AMN1: variants seen among roughly 807,000 people sequenced by gnomAD.
AMN1 encodes the protein antagonist of mitotic exit network 1 homolog.
AMN1 carries 20 observed loss-of-function variants against 33.0 expected under a neutral mutation model. That is an observed-to-expected ratio of 0.61 (90% CI 0.43 to 0.88). The LOEUF (loss-of-function observed/expected upper bound fraction) is 0.88. AMN1 is among the 40% of genes least tolerant of loss of function. The pLI is 0.00. For missense variants in AMN1, 246 were observed against 307.4 expected (o/e 0.80, Z 1.49); for synonymous variants, 114 against 111.9 (o/e 1.02, Z -0.12).
chr12:31,709,988 C>T lies in AMN1; in HGVS notation c.39-563G>A, dbSNP rs139381945. Among the ~76,000 whole-genome samples, 18 of 152,254 alleles carry T rather than the reference C, an allele frequency of 1.2e-4. No homozygotes were observed. In the East Asian group the frequency reaches 3.1e-3, roughly 26 times the overall value. On this transcript the variant is annotated intron_variant, in intron 1 of 6. Coordinates refer to ENST00000281471, the MANE Select transcript of AMN1 (RefSeq NM_001113402.2). The stretch of plus-strand genomic sequence containing the variant: ...ATCAAAATGCATTTTAAATGACCAA[C>T]AAGAATGTTTTTCCTAAGTGTCTAA...
At position 31,729,018 on chromosome 12, in the gene AMN1, G is replaced by T. The variant is rs769372231; in HGVS notation, c.-10C>A. On this transcript the variant is annotated 5_prime_UTR_variant, in exon 1 of 7. Transcript: ENST00000281471. ...GCCGTGGGCGAGGCATCGCTGCAGC[G>T]TCTGAAGCCTCTTCCGCGGTCCCAG... 7.1e-6 allele frequency: 11 copies of T among 1,541,450 alleles called. No individual in the cohort carries two copies. Among genetic ancestry groups the T allele is most frequent in the African/African-American group, 1.4e-5 (1 of 72,948 alleles).
At chr12:31,675,064 T>A in intron 6 of AMN1, among the ~76,000 whole-genome samples, 1 of 149,046 alleles carries the variant, frequency 6.7e-6, no homozygotes, top group African/African-American at 2.5e-5. Flanking sequence ...AAACCAATGC[T>A]CATTCAACCA....
chr12:31,699,749 G>A (rs901266232), intron 3 of AMN1, among the ~76,000 whole-genome samples: 4 of 152,202 alleles, frequency 2.6e-5, no homozygotes, highest in African/African-American at 9.7e-5. Context: ...TCAGTCATAT[G>A]TACCAGAGGC....
chr12:31,728,533 C>A (rs1226473923), intron 1 of AMN1, among the ~76,000 whole-genome samples: 2 of 152,148 alleles, frequency 1.3e-5, no homozygotes, highest in African/African-American at 2.4e-5. Context: ...GCCAGGGATC[C>A]GTGGTCTTAA....
chr12:31,693,990 A>G (rs1938612565), intron 5 of AMN1, among the ~76,000 whole-genome samples: 1 of 152,218 alleles, frequency 6.6e-6, no homozygotes, highest in Non-Finnish European at 1.5e-5. Context: ...TCTTTAGGAA[A>G]GGTCCTTAGA....
intron 5 of AMN1, among the ~76,000 whole-genome samples, chr12:31,693,128 G>A (rs182719508): frequency 6.6e-5 from 10 of 152,258 alleles, no homozygotes; most frequent in African/African-American, 2.4e-4. Flanking sequence ...GAGTGCAGTA[G>A]TGCAAACACA....
At chr12:31,722,007 AC>A (rs2139730958) in intron 1 of AMN1, among the ~76,000 whole-genome samples, 1 of 152,264 alleles carries the variant, frequency 6.6e-6, no homozygotes, top group South Asian at 2.1e-4. Flanking sequence ...ATCTGACGCT[AC>A]CATTGCATGC....
intron 6 of AMN1, among the ~76,000 whole-genome samples, chr12:31,688,803 T>C (rs1938378423): frequency 6.6e-6 from 1 of 151,736 alleles, no homozygotes; most frequent in Non-Finnish European, 1.5e-5. Flanking sequence ...AGAGCAAGAC[T>C]CCGTCTCCCA....
In AMN1 at chr12:31,683,161, C is replaced by T. The variant is rs576673658; in HGVS notation, c.703+5846G>A. 1.1e-3 allele frequency among the ~76,000 whole-genome samples: 174 copies of T among 152,218 alleles called. No individual in the cohort carries two copies. Among genetic ancestry groups the T allele is most frequent in the African/African-American group, 3.9e-3 (162 of 41,556 alleles). Reference sequence around the variant, plus strand: ...TATTTTTAGTAGAGAGGGGGTTTCACCATATTGGCCAGGCTGGTCTCAAAC... The same window carrying T: ...TATTTTTAGTAGAGAGGGGGTTTCATCATATTGGCCAGGCTGGTCTCAAAC... On this transcript the variant is annotated intron_variant, in intron 6 of 6. Transcript: ENST00000281471. The surrounding 1 kb of genome is among the most constrained non-coding windows in gnomAD (Gnocchi z 4.1).
intron 1 of AMN1, among the ~76,000 whole-genome samples, chr12:31,712,189 G>T (rs1020279699): frequency 6.6e-6 from 1 of 151,908 alleles, no homozygotes; most frequent in Non-Finnish European, 1.5e-5. Flanking sequence ...AGATCCTCCT[G>T]CCTCAGCTTC....
intron 1 of AMN1, among the ~76,000 whole-genome samples, chr12:31,712,556 T>C (rs1270419979): frequency 6.6e-6 from 1 of 152,188 alleles, no homozygotes; most frequent in Non-Finnish European, 1.5e-5. Flanking sequence ...GATTTCATTA[T>C]TTTTTAATGG....
At chr12:31,672,533 A>C in intron 6 of AMN1, 156 bp from the exon 7 acceptor site, 1 of 581,228 alleles carries the variant, frequency 1.7e-6, no homozygotes, top group Non-Finnish European at 3.1e-6. Context: ...CTCACTAATA[A>C]TTAATTAATG....
intron 1 of AMN1, among the ~76,000 whole-genome samples, chr12:31,723,164 C>T (rs2040962778): frequency 6.6e-6 from 1 of 151,900 alleles, no homozygotes; most frequent in Admixed American, 6.6e-5. Context: ...TCTCAAAAAA[C>T]AAGAAAGAAA....
At chr12:31,691,687 A>G (rs1938506055) in intron 5 of AMN1, among the ~76,000 whole-genome samples, 1 of 152,170 alleles carries the variant, frequency 6.6e-6, no homozygotes, top group Non-Finnish European at 1.5e-5. Flanking sequence ...TATCTTATTT[A>G]TAGATTTGTA....
Position 31,671,361 on chromosome 12 carries a change from C to T in AMN1, c.*943G>A, listed in dbSNP as rs1295156396. 3 of 152,118 alleles carry T rather than the reference C, an allele frequency of 2.0e-5. No homozygotes were observed. Among genetic ancestry groups the T allele is most frequent in the Admixed American group, 1.3e-4 (2 of 15,258 alleles). 9.4% of individuals were successfully genotyped at this position (152,118 alleles called of 1,614,324 possible). ...CAACATATACAAGAAAGTTAGCATA[C>T]TTACCCCGTTTTTCACTACATCAGA... On this transcript the variant is annotated 3_prime_UTR_variant, in exon 7 of 7. Transcript: ENST00000281471.
chr12:31,727,699 C>T (rs934757031), intron 1 of AMN1, among the ~76,000 whole-genome samples: 15 of 152,076 alleles, frequency 9.9e-5, no homozygotes, highest in African/African-American at 3.1e-4. Context: ...GTTACTCTCC[C>T]GCTTGTGATA....
intron 1 of AMN1, among the ~76,000 whole-genome samples, chr12:31,721,369 G>A (rs921553473): frequency 1.3e-5 from 2 of 152,112 alleles, no homozygotes; most frequent in African/African-American, 4.8e-5. Flanking sequence ...GACAGCAAGA[G>A]GGAAATATCA....
chr12:31,677,802 A>G (rs189438945), intron 6 of AMN1, among the ~76,000 whole-genome samples: 1 of 152,322 alleles, frequency 6.6e-6, no homozygotes, highest in Non-Finnish European at 1.5e-5. Context: ...CACAGAAACT[A>G]GAACCCTTTT....
rs10843996 is a variant in AMN1 at position 31,683,463 on chromosome 12, G to A, written c.703+5544C>T. 0.062 allele frequency among the ~76,000 whole-genome samples: 9,382 copies of A among 152,124 alleles called. 622 individuals are homozygous for A. The highest frequency in any genetic ancestry group is 0.17 in the East Asian group (906 of 5,178). On this transcript the variant is annotated intron_variant, in intron 6 of 6. Coordinates refer to ENST00000281471, the MANE Select transcript of AMN1 (RefSeq NM_001113402.2). This position sits in a 1 kb window ranked among gnomAD's most constrained non-coding sequence, Gnocchi z 4.1. ...ATGATTGATATGGTTTGACTGTGTCGCCACCCAAATCTCATCTTGAATTGT... is the reference window on the plus strand; with the variant it reads ...ATGATTGATATGGTTTGACTGTGTCACCACCCAAATCTCATCTTGAATTGT...
Sources: allele counts gnomAD v4.1 joint callset (sites outside exome capture counted in the v4.1 genomes callset), GRCh38; gene constraint gnomAD v4.1.1; non-coding constraint Gnocchi (gnomAD v3.1); transcripts MANE v1.5; gene names NCBI Gene and HGNC (gene_info 2026-07-23, HGNC 2026-07-21).